The following RCBTB1 variants were observed in gnomAD, a reference collection of about 807,000 sequenced individuals.
The protein encoded by RCBTB1 is RCC1 and BTB domain-containing protein 1.
Under a neutral mutation model 62.4 loss-of-function variants are expected in RCBTB1, and 46 were observed. That is an observed-to-expected ratio of 0.74 (90% CI 0.58 to 0.94). The LOEUF (loss-of-function observed/expected upper bound fraction) is 0.94, where lower values mean the gene tolerates loss of function less well. RCBTB1 is among the 40% of genes least tolerant of loss of function. The probability of loss-of-function intolerance (pLI) is 0.00; values close to 1 mark genes in which losing one functional copy is unlikely to be tolerated. For synonymous variants in RCBTB1, 222 were observed against 245.8 expected (o/e 0.90, Z 0.91); for missense variants, 565 against 654.9 (o/e 0.86, Z 1.50).
chr13:49,546,378 T>C, intron 9 of RCBTB1: 1 of 985,030 alleles, frequency 1.0e-6, no homozygotes, highest in Non-Finnish European at 1.2e-6. Context: ...AAAGAAGTTA[T>C]CTAGGACAGC....
intron 10 of RCBTB1, among the ~76,000 whole-genome samples, chr13:49,542,706 CTT>C (rs1359446402): frequency 9.8e-5 from 14 of 143,524 alleles, no homozygotes; most frequent in Non-Finnish European, 7.7e-5. Flanking sequence ...GCCATCACTC[CTT>C]TTTTTTTTTT....
chr13:49,564,764 G>A lies in RCBTB1; in HGVS notation c.277+1854C>T, dbSNP rs544532717. Among the ~76,000 whole-genome samples, 129 of 151,696 alleles carry A rather than the reference G, an allele frequency of 8.5e-4. 2 individuals are homozygous for A. Among genetic ancestry groups the A allele is most frequent in the African/African-American group, 2.5e-3 (105 of 41,348 alleles). Reference sequence around the variant, plus strand: ...AAATTAGCCGGGCATGGTGGCGGGCGCCAGTAGTCCCAGCTACTCGGGAGG... The same window carrying A: ...AAATTAGCCGGGCATGGTGGCGGGCACCAGTAGTCCCAGCTACTCGGGAGG... On this transcript the variant is annotated intron_variant, in intron 4 of 12. Coordinates refer to ENST00000378302, the MANE Select transcript of RCBTB1 (RefSeq NM_018191.4).
Position 49,533,697 on chromosome 13 carries a change from G to C in RCBTB1, c.*425C>G, listed in dbSNP as rs1959716225. On this transcript the variant is annotated 3_prime_UTR_variant, in exon 13 of 13. Coordinates refer to ENST00000378302, the MANE Select transcript of RCBTB1 (RefSeq NM_018191.4). The stretch of plus-strand genomic sequence containing the variant: ...CCCCAGGTCAGCATCTTTAATTCAC[G>C]ATGGGGCCTCTCCATTCATCTCACA... The C allele has an allele frequency of 6.5e-6, 1 of 153,456 alleles. No homozygotes were observed. The highest frequency in any genetic ancestry group is 1.4e-5 in the Non-Finnish European group (1 of 68,994). The allele number at this position is 153,456 out of a possible 1,614,324, so 9.5% of individuals were successfully genotyped here. A position where few individuals can be genotyped will look rare whatever the true frequency, so the allele number is the denominator to read the frequency against.
intron 5 of RCBTB1, among the ~76,000 whole-genome samples, chr13:49,558,695 C>CAAAAAAAAAAAAA (rs1186659232): frequency 5.1e-5 from 3 of 59,372 alleles, no homozygotes; most frequent in Admixed American, 1.8e-4. Flanking sequence ...ACTCTGTCTC[C>CAAAAAAAAAAAAA]AAAAAAAAAA....
chr13:49,536,642 G>A (rs1959965140), intron 12 of RCBTB1, among the ~76,000 whole-genome samples: 1 of 152,146 alleles, frequency 6.6e-6, no homozygotes, highest in South Asian at 2.1e-4. Context: ...ATGTGACCAG[G>A]AGATGAACAA....
chr13:49,543,875 C>G (rs1007764997), intron 10 of RCBTB1, among the ~76,000 whole-genome samples: 1 of 152,054 alleles, frequency 6.6e-6, no homozygotes, highest in Non-Finnish European at 1.5e-5. Context: ...TTTGTAGAGA[C>G]AGTGTCTCGC....
In RCBTB1 at chr13:49,559,372, G is replaced by A. The variant is rs538813218; in HGVS notation, c.444+546C>T. On this transcript the variant is annotated intron_variant, in intron 5 of 12. Transcript: ENST00000378302. ...ACTCAAAGAAACAGAGTAGAAAGTTGTTGGCTGGGCACGGTGGCTCACGCC... is the reference window on the plus strand; with the variant it reads ...ACTCAAAGAAACAGAGTAGAAAGTTATTGGCTGGGCACGGTGGCTCACGCC... Among the ~76,000 whole-genome samples the A allele has an allele frequency of 4.6e-5, 7 of 152,262 alleles. No homozygotes were observed. The East Asian group carries it at 1.2e-3, about 25-fold the overall frequency.
At chr13:49,567,046 G>C in intron 3 of RCBTB1, 108 bp downstream of exon 3, 1 of 1,049,118 alleles carries the variant, frequency 9.5e-7, no homozygotes, top group East Asian at 2.5e-5. Context: ...CTGAACTTCA[G>C]GATCTCTTTA....
intron 5 of RCBTB1, among the ~76,000 whole-genome samples, chr13:49,557,766 ATTT>A (rs397712424): frequency 1.4e-3 from 214 of 150,880 alleles, no homozygotes; most frequent in Non-Finnish European, 2.2e-3. Flanking sequence ...ACAAAAAAAA[ATTT>A]TTTTTTTAAA....
At chr13:49,542,472 AATG>A (rs1960462945) in intron 10 of RCBTB1, among the ~76,000 whole-genome samples, 2 of 152,118 alleles carry the variant, frequency 1.3e-5, no homozygotes, top group South Asian at 4.1e-4. Flanking sequence ...TTTTTTTTAA[AATG>A]ATGTACAGAA....
chr13:49,539,698 C>T (rs1431751619), intron 12 of RCBTB1, among the ~76,000 whole-genome samples: 2 of 152,096 alleles, frequency 1.3e-5, no homozygotes, highest in Non-Finnish European at 2.9e-5. Context: ...TTCAGGGTGT[C>T]ACAGGAAGGA....
intron 2 of RCBTB1, among the ~76,000 whole-genome samples, chr13:49,569,276 A>C (rs1355489539): frequency 6.6e-6 from 1 of 152,200 alleles, no homozygotes; most frequent in Non-Finnish European, 1.5e-5. Flanking sequence ...AATGCTTTTA[A>C]AAGTTTAAAA....
intron 2 of RCBTB1, among the ~76,000 whole-genome samples, chr13:49,569,082 G>T (rs1453992970): frequency 1.3e-5 from 2 of 152,150 alleles, no homozygotes; most frequent in African/African-American, 4.8e-5. Flanking sequence ...ATTTTAAGAA[G>T]TGGCAGAGTC....
chr13:49,552,922 G>T (rs570950577), intron 6 of RCBTB1, among the ~76,000 whole-genome samples: 6 of 152,130 alleles, frequency 3.9e-5, no homozygotes, highest in Non-Finnish European at 4.4e-5. Context: ...GGTAGCTCAC[G>T]CCTGTAATCC....
intron 6 of RCBTB1, among the ~76,000 whole-genome samples, chr13:49,554,565 C>T (rs1176155201): frequency 3.3e-5 from 5 of 152,156 alleles, no homozygotes; most frequent in African/African-American, 7.2e-5. Flanking sequence ...TGTTAGGAAC[C>T]GGGCCGCACA....
chr13:49,573,893 T>G (rs1264331554), intron 2 of RCBTB1, among the ~76,000 whole-genome samples: 3 of 149,616 alleles, frequency 2.0e-5, no homozygotes, highest in Non-Finnish European at 4.5e-5. Flanking sequence ...AAGCAATTCT[T>G]GTGCCTCAGC....
chr13:49,548,435 A>G (rs1961018255), intron 9 of RCBTB1, among the ~76,000 whole-genome samples: 1 of 151,844 alleles, frequency 6.6e-6, no homozygotes, highest in Non-Finnish European at 1.5e-5. Context: ...GATTGGTATT[A>G]TATCAAGTTC....
intron 12 of RCBTB1, among the ~76,000 whole-genome samples, chr13:49,534,510 G>A (rs930868428): frequency 2.6e-5 from 4 of 150,982 alleles, no homozygotes; most frequent in East Asian, 2.0e-4. Flanking sequence ...ACACACACGC[G>A]CGCGCACACA....
At chr13:49,562,687 A>G (rs1962537272) in intron 4 of RCBTB1, among the ~76,000 whole-genome samples, 1 of 150,196 alleles carries the variant, frequency 6.7e-6, no homozygotes, top group Non-Finnish European at 1.5e-5. Flanking sequence ...ATCATAGCTC[A>G]CTGCAACCTC....
Sources: gnomAD v4.1 joint callset for allele counts (sites outside exome capture counted in the v4.1 genomes callset) on GRCh38, gnomAD v4.1.1 for gene constraint, MANE v1.5 for transcripts, NCBI Gene and HGNC (gene_info 2026-07-23, HGNC 2026-07-21) for gene names.